Variants in ADGRV1 observed in about 807,000 individuals in gnomAD.
ADGRV1 encodes G-protein coupled receptor 98.
ADGRV1 carries 359 observed loss-of-function variants against 596.2 expected under a neutral mutation model. That is an observed-to-expected ratio of 0.60 (90% confidence interval 0.55 to 0.66). The LOEUF (loss-of-function observed/expected upper bound fraction) is 0.66, where lower values mean the gene tolerates loss of function less well. Ranked by LOEUF, ADGRV1 falls within the 30% of genes least tolerant of loss-of-function variation. The probability of loss-of-function intolerance (pLI) is 0.00; values close to 1 mark genes in which losing one functional copy is unlikely to be tolerated. For synonymous variants in ADGRV1, 2,681 were observed against 2,679.2 expected, an observed-to-expected ratio of 1.00 and a Z score of -0.02; for missense variants, 7,274 against 7,575.6, an observed-to-expected ratio of 0.96 and a Z score of 1.48.
At chr5:91,045,220 G>C (rs1274777854) in intron 85 of ADGRV1, among the ~76,000 whole-genome samples, 4 of 152,066 alleles carry the variant, frequency 2.6e-5, no homozygotes, top group African/African-American at 9.7e-5. Context: ...CCAAGACCAG[G>C]AAAGGACATA....
intron 1 of ADGRV1, among the ~76,000 whole-genome samples, chr5:90,593,762 G>GA (rs1306239438): frequency 6.6e-6 from 1 of 150,934 alleles, no homozygotes; most frequent in Non-Finnish European, 1.5e-5. Flanking sequence ...AGTATTCAAA[G>GA]AAAAAAAATC....
rs749199568 is a variant in ADGRV1, at chr5:90,755,164, T to G, written c.11559T>G (p.His3853Gln). 3.7e-6 allele frequency: 6 copies of G among 1,603,338 alleles called. No individual in the cohort carries two copies. In the South Asian group the frequency reaches 6.7e-5, roughly 18 times the overall value. ...TGAAAGAAAACATAAAAGAAGCTCA[T>G]GCCGAAGTTTCCATTTTGCCGGTAA... Reference protein sequence around the residue: ...IIMKENIKEAHAEVSILPDDL... With the variant: ...IIMKENIKEAQAEVSILPDDL... Residue 3853 changes from histidine to glutamine, a missense_variant, in exon 55 of 90, where the codon CAT becomes CAG. Transcript: ENST00000405460.
intron 9 of ADGRV1, among the ~76,000 whole-genome samples, chr5:90,631,842 A>G (rs1055860517): frequency 3.3e-5 from 5 of 152,212 alleles, no homozygotes; most frequent in African/African-American, 4.8e-5. Context: ...ATTTAGAGCT[A>G]TATTTAGAAA....
chr5:90,910,535 G>T (rs1772767347), intron 83 of ADGRV1, among the ~76,000 whole-genome samples: 2 of 149,798 alleles, frequency 1.3e-5, no homozygotes, highest in South Asian at 4.3e-4. Flanking sequence ...TCTATGTTTA[G>T]TTTTATATAT....
At chr5:91,158,531 A>G (rs1383404317) in intron 89 of ADGRV1, among the ~76,000 whole-genome samples, 2 of 152,214 alleles carry the variant, frequency 1.3e-5, no homozygotes, top group African/African-American at 4.8e-5. Context: ...CCTGTTAATC[A>G]GGTTTGTTCT....
At chr5:91,037,090 G>A (rs1784975343) in intron 85 of ADGRV1, among the ~76,000 whole-genome samples, 1 of 152,076 alleles carries the variant, frequency 6.6e-6, no homozygotes, top group Non-Finnish European at 1.5e-5. Flanking sequence ...CTCCATGTTC[G>A]TATCAGTTCT....
Position 90,832,833 on chromosome 5 carries a change from C to T in ADGRV1, c.16611+3647C>T, listed in dbSNP as rs933459399. On this transcript the variant is annotated intron_variant, in intron 77 of 89. Transcript: ENST00000405460. ...TCTGCATATGGATACCCAGATTTCC[C>T]GGAACCATTTATTGAAGAGACTGCC... Among the ~76,000 whole-genome samples, 8 of 152,164 alleles carry T rather than the reference C, an allele frequency of 5.3e-5. No homozygotes were observed. In the East Asian group the frequency reaches 5.8e-4, roughly 11 times the overall value.
Position 91,078,672 on chromosome 5 carries a change from A to G in ADGRV1, c.18310+6068A>G, listed in dbSNP as rs576271365. Among the ~76,000 whole-genome samples, 16 of 152,328 alleles carry G rather than the reference A, an allele frequency of 1.1e-4. No individual in the cohort carries two copies. The South Asian group carries it at 3.3e-3, about 32-fold the overall frequency. Reference sequence around the variant, plus strand: ...ACCCCACGCTGGCCATGTGCAGCAGACATGTGCAAAGGCAGGCTCAGCCAG... The same window carrying G: ...ACCCCACGCTGGCCATGTGCAGCAGGCATGTGCAAAGGCAGGCTCAGCCAG... On this transcript the variant is annotated intron_variant, in intron 86 of 89. Coordinates refer to ENST00000405460, the MANE Select transcript of ADGRV1 (RefSeq NM_032119.4).
chr5:90,706,105 G>T (rs1379858132), intron 37 of ADGRV1, 126 bp from the exon 38 acceptor site: 22 of 684,776 alleles, frequency 3.2e-5, no homozygotes, highest in Non-Finnish European at 4.1e-5. Context: ...ATAGGAAGGG[G>T]TGAGGAATTG....
intron 83 of ADGRV1, among the ~76,000 whole-genome samples, chr5:90,884,669 A>C (rs1770115630): frequency 6.6e-6 from 1 of 152,108 alleles, no homozygotes; most frequent in Admixed American, 6.6e-5. Context: ...CTCGAACCAA[A>C]CTACTAGTTT....
intron 38 of ADGRV1, among the ~76,000 whole-genome samples, chr5:90,706,821 G>A (rs1046957191): frequency 1.3e-5 from 2 of 150,308 alleles, no homozygotes; most frequent in African/African-American, 4.9e-5. Context: ...TCTTCTGCTT[G>A]TTCCCCCTGC....
chr5:90,749,169 A>AT (rs1231326628), intron 52 of ADGRV1, among the ~76,000 whole-genome samples: 1 of 152,168 alleles, frequency 6.6e-6, no homozygotes, highest in Non-Finnish European at 1.5e-5. Flanking sequence ...GGAGACATAC[A>AT]ATTACTGTTA....
chr5:90,653,393 G>A lies in ADGRV1; in HGVS notation c.3819G>A (p.Arg1273=), dbSNP rs764738838. ...MSYITNFTIL[R]QQGVFGDVQL... is the part of the protein sequence containing the mutation. Reference sequence around the variant, plus strand: ...ATATTACCAACTTCACCATTTTGAGGCAGCAGGGTGTGTTTGGTGATGTAC... The same window carrying A: ...ATATTACCAACTTCACCATTTTGAGACAGCAGGGTGTGTTTGGTGATGTAC... Residue 1273 remains arginine, a synonymous_variant, in exon 20 of 90, where the codon AGG becomes AGA. Coordinates refer to ENST00000405460, the MANE Select transcript of ADGRV1 (RefSeq NM_032119.4). The A allele has an allele frequency of 2.6e-5, 42 of 1,613,804 alleles. No homozygotes were observed. Among genetic ancestry groups the A allele is most frequent in the Admixed American group, 2.0e-4 (12 of 59,986 alleles).
rs1042996747 is a variant in ADGRV1, at chr5:90,685,806, A to G, written c.6301A>G (p.Lys2101Glu). 1.2e-6 allele frequency: 2 copies of G among 1,609,714 alleles called. No individual in the cohort carries two copies. Among genetic ancestry groups the G allele is most frequent in the Non-Finnish European group, 1.7e-6 (2 of 1,178,060 alleles). The stretch of plus-strand genomic sequence containing the variant: ...TCCAAATTCTCCACGTCTTGGGCCT[A>G]AGGTAGAAACTATTGCGCAACTAAT... ...SIPNSPRLGP[K>E]VETIAQLIII... Residue 2101 changes from lysine (K) to glutamate (E), a missense_variant, in exon 29 of 90, where the codon AAG becomes GAG. By Grantham distance (56) the Lys-to-Glu change is moderately conservative. Coordinates refer to ENST00000405460, the MANE Select transcript of ADGRV1 (RefSeq NM_032119.4).
At chr5:90,984,183 A>G (rs954703665) in intron 84 of ADGRV1, among the ~76,000 whole-genome samples, 3 of 152,188 alleles carry the variant, frequency 2.0e-5, no homozygotes, top group Middle Eastern at 3.2e-3. Context: ...AAAGTATAAC[A>G]TTAATGAGTA....
intron 68 of ADGRV1, 131 bp downstream of exon 68, chr5:90,788,441 T>A: frequency 1.2e-6 from 1 of 867,344 alleles, no homozygotes; most frequent in Non-Finnish European, 1.7e-6. Flanking sequence ...ATCATAATAA[T>A]TCTGAAGGGT....
chr5:90,679,942 G>A (rs1744716526), intron 26 of ADGRV1, among the ~76,000 whole-genome samples: 3 of 152,062 alleles, frequency 2.0e-5, no homozygotes, highest in Admixed American at 6.5e-5. Flanking sequence ...TATAAAAATG[G>A]TTGTTTGGAA....
At chr5:90,802,630 A>G in intron 70 of ADGRV1, 109 bp from the exon 71 acceptor site, 1 of 890,254 alleles carries the variant, frequency 1.1e-6, no homozygotes, top group East Asian at 2.7e-5. Flanking sequence ...GTATTGATGA[A>G]ACTGTTTGCT....
intron 82 of ADGRV1, among the ~76,000 whole-genome samples, chr5:90,860,426 G>A (rs1269799976): frequency 1.3e-5 from 2 of 151,768 alleles, no homozygotes; most frequent in East Asian, 1.9e-4. Context: ...TCAGCCTCTC[G>A]AGTAGCTGGG....
Sources: gnomAD v4.1 joint callset for allele counts (sites outside exome capture counted in the v4.1 genomes callset) on GRCh38, gnomAD v4.1.1 for gene constraint, MANE v1.5 for transcripts, NCBI Gene and HGNC (gene_info 2026-07-23, HGNC 2026-07-21) for gene names.